ADAMTSL2: variants seen among roughly 807,000 people sequenced by gnomAD.
ADAMTSL2 encodes the protein ADAMTS-like protein 2.
In ADAMTSL2, 55 loss-of-function variants were observed where a neutral mutation model predicts 117.0. The ratio of observed to expected loss-of-function variants is 0.47; its 90% CI spans 0.38 to 0.59. The LOEUF (loss-of-function observed/expected upper bound fraction) is 0.59. ADAMTSL2 is among the 20% of genes least tolerant of loss of function. The probability of loss-of-function intolerance (pLI) is 0.00; values close to 1 mark genes in which losing one functional copy is unlikely to be tolerated. For synonymous variants in ADAMTSL2, 572 were observed against 566.4 expected, an observed-to-expected ratio of 1.01 and a Z score of -0.14; for missense variants, 1,182 against 1,354.5, an observed-to-expected ratio of 0.87 and a Z score of 2.00.
Position 133,568,655 on chromosome 9 carries a change from C to T in ADAMTSL2, c.2141C>T (p.Ser714Leu), listed in dbSNP as rs1317558748. The change falls in exon 15 of 19, where the codon TCG (serine) becomes TTG (leucine). Residue 714 changes from serine (S) to leucine (L), a missense_variant. Transcript: ENST00000651351. ...RSVVTRDIRC[S>L]EDEKLCDPNT... ...GTGGTGACCAGGGACATCCGCTGCT[C>T]GGAGGATGAGAAGCTGTGTGACCCC... The T allele has an allele frequency of 1.5e-5, 25 of 1,613,314 alleles. No individual in the cohort carries two copies. Among genetic ancestry groups the T allele is most frequent in the Admixed American group, 3.3e-5 (2 of 60,016 alleles).
chr9:133,570,307 C>A, intron 16 of ADAMTSL2, 24 bp from the exon 17 acceptor site: 2 of 1,538,368 alleles, frequency 1.3e-6, no homozygotes, highest in Non-Finnish European at 1.7e-6. Context: ...TGGCGCTGAC[C>A]CGCTCCCTCT....
chr9:133,543,127 AT>A (rs34545575), intron 7 of ADAMTSL2, among the ~76,000 whole-genome samples: 23,175 of 151,704 alleles, frequency 0.15, 2,210 homozygotes, highest in Non-Finnish European at 0.21. Flanking sequence ...TTTTTTTTGC[AT>A]TTTTAGTAGA....
In ADAMTSL2 at chr9:133,557,268, G is replaced by T. The variant is rs1225095170; in HGVS notation, c.1649+1338G>T. On this transcript the variant is annotated intron_variant, in intron 11 of 18. Coordinates refer to ENST00000651351, the MANE Select transcript of ADAMTSL2 (RefSeq NM_014694.4). This position sits in a 1 kb window ranked among gnomAD's most constrained non-coding sequence, Gnocchi z 5.2. ...CCGCTTTTCTCAAACTGTTTTCTGA[G>T]GCCACCGAGGTGCCTGGGGCTGCGG... Among the ~76,000 whole-genome samples the T allele has an allele frequency of 6.6e-6, 1 of 152,170 alleles. No homozygotes were observed. Among genetic ancestry groups the T allele is most frequent in the African/African-American group, 2.4e-5 (1 of 41,434 alleles).
chr9:133,532,844 C>CAG (rs1829969460), upstream of ADAMTSL2, among the ~76,000 whole-genome samples: 1 of 152,156 alleles, frequency 6.6e-6, no homozygotes, highest in South Asian at 2.1e-4. Context: ...CACACACCTG[C>CAG]AGGAGGTCAC....
At chr9:133,548,073 T>G (rs571459978) in intron 9 of ADAMTSL2, among the ~76,000 whole-genome samples, 1 of 152,362 alleles carries the variant, frequency 6.6e-6, no homozygotes, top group East Asian at 1.9e-4. Context: ...ACAGCAGGGT[T>G]GGAGCCACCC....
Position 133,569,537 on chromosome 9 carries a change from A to C in ADAMTSL2, c.2374A>C (p.Lys792Gln). The change falls in exon 16 of 19, where the codon AAA (lysine) becomes CAA (glutamine). Residue 792 changes from lysine (K) to glutamine (Q), a missense_variant. Physicochemically the swap from Lys to Gln is moderately conservative, Grantham distance 53. Around this residue, in one of 3 missense-constraint regions of ADAMTSL2, gnomAD observed 465 missense variants for 565.3 expected, o/e 0.82. Transcript: ENST00000651351. The stretch of plus-strand genomic sequence containing the variant: ...TCTGGCCATCCACCCCTGTGGGGAC[A>C]AAAACTGTCCCGCCCACTGGCTGGC... ...KPLAIHPCGD[K>Q]NCPAHWLAQD... 3 of 1,602,120 alleles carry C rather than the reference A, an allele frequency of 1.9e-6. No homozygotes were observed. The highest frequency in any genetic ancestry group is 2.6e-6 in the Non-Finnish European group (3 of 1,174,160).
Position 133,568,595 on chromosome 9 carries a change from C to T in ADAMTSL2, c.2089-8C>T, listed in dbSNP as rs912573077. On this transcript the variant is annotated splice_region_variant and splice_polypyrimidine_tract_variant and intron_variant, in intron 14 of 18. Transcript: ENST00000651351. ...CACCCCCCCTGCCCCCTCCCCCTGC[C>T]GCCCCAGTGCACTGCCAAGTGTGGG... 214 of 1,582,440 alleles carry T rather than the reference C, an allele frequency of 1.4e-4. No individual in the cohort carries two copies. The highest frequency in any genetic ancestry group is 2.0e-4 in the Middle Eastern group (1 of 5,060).
Position 133,537,463 on chromosome 9 carries a change from G to T in ADAMTSL2, c.149G>T (p.Trp50Leu). The change falls in exon 3 of 19, where the codon TGG becomes TTG. Residue 50 changes from tryptophan to leucine, a missense_variant. Around this residue, in one of 3 missense-constraint regions of ADAMTSL2, gnomAD observed 372 missense variants for 463.4 expected, o/e 0.80. Coordinates refer to ENST00000651351, the MANE Select transcript of ADAMTSL2 (RefSeq NM_014694.4). Reference sequence around the variant, plus strand: ...GGCACCGACGCCACGGCCTTCTGGTGGGGGGAGTGGACCAAGTGGACGGCG... The same window carrying T: ...GGCACCGACGCCACGGCCTTCTGGTTGGGGGAGTGGACCAAGTGGACGGCG... Reference protein sequence around the residue: ...EGGTDATAFWWGEWTKWTACS... With the variant: ...EGGTDATAFWLGEWTKWTACS... 1 of 1,360,632 alleles carries T rather than the reference G, an allele frequency of 7.3e-7. No individual in the cohort carries two copies. 84.3% of individuals were successfully genotyped at this position (1,360,632 alleles called of 1,614,324 possible). A position where few individuals can be genotyped will look rare whatever the true frequency, so the allele number is the denominator to read the frequency against.
intron 7 of ADAMTSL2, among the ~76,000 whole-genome samples, chr9:133,543,880 T>G (rs1476642124): frequency 6.6e-6 from 1 of 152,178 alleles, no homozygotes; most frequent in East Asian, 1.9e-4. Context: ...CATGGCTGCC[T>G]CCGCACGGGC....
chr9:133,555,300 GC>G (rs1452540932), intron 10 of ADAMTSL2, among the ~76,000 whole-genome samples: 8 of 134,110 alleles, frequency 6.0e-5, no homozygotes, highest in Non-Finnish European at 9.5e-5. Context: ...TCCGGGGGGG[GC>G]CATGAATTTT....
chr9:133,545,944 A>G (rs954927048), intron 8 of ADAMTSL2, among the ~76,000 whole-genome samples: 4 of 151,998 alleles, frequency 2.6e-5, no homozygotes, highest in African/African-American at 7.2e-5. Context: ...TTTCAAGCAG[A>G]CATGTCCTGC....
At chr9:133,556,425 C>G (rs1830606883) in intron 11 of ADAMTSL2, among the ~76,000 whole-genome samples, 1 of 152,168 alleles carries the variant, frequency 6.6e-6, no homozygotes, top group Admixed American at 6.5e-5. Flanking sequence ...AGTCATGGCA[C>G]ACACGCCTGT....
chr9:133,567,884 G>C (rs2131178990), intron 13 of ADAMTSL2, among the ~76,000 whole-genome samples: 1 of 152,328 alleles, frequency 6.6e-6, no homozygotes, highest in African/African-American at 2.4e-5. Context: ...GGGAAGGAGA[G>C]GTCTTTCCCC....
Position 133,568,500 on chromosome 9 carries a change from G to A in ADAMTSL2, c.2088+14G>A. On this transcript the variant is annotated intron_variant, in intron 14 of 18. Coordinates refer to ENST00000651351, the MANE Select transcript of ADAMTSL2 (RefSeq NM_014694.4). ...GAGTGGTCCGAGGTGAGTGCCTGCGGGAGCAAGCCGGGGGTCGGGAAGAGC... is the reference window on the plus strand; with the variant it reads ...GAGTGGTCCGAGGTGAGTGCCTGCGAGAGCAAGCCGGGGGTCGGGAAGAGC... The A allele has an allele frequency of 1.9e-6, 3 of 1,591,436 alleles. No homozygotes were observed. The highest frequency in any genetic ancestry group is 2.6e-6 in the Non-Finnish European group (3 of 1,169,936).
upstream of ADAMTSL2, among the ~76,000 whole-genome samples, chr9:133,532,976 C>A (rs1188330619): frequency 6.6e-6 from 1 of 152,196 alleles, no homozygotes; most frequent in Non-Finnish European, 1.5e-5. Flanking sequence ...TGTGGGGTCC[C>A]TCCCAAGGGA....
intron 17 of ADAMTSL2, among the ~76,000 whole-genome samples, chr9:133,572,967 C>T (rs1035946571): frequency 2.6e-5 from 4 of 152,232 alleles, no homozygotes; most frequent in Non-Finnish European, 5.9e-5. Flanking sequence ...ACGCCGTCAG[C>T]GCCAAGCCAG....
At chr9:133,567,203 C>A in intron 13 of ADAMTSL2, 141 bp downstream of exon 13, 1 of 1,072,324 alleles carries the variant, frequency 9.3e-7, no homozygotes, top group Non-Finnish European at 1.3e-6. Flanking sequence ...GAGGGGCATA[C>A]AGACCTCACC....
intron 13 of ADAMTSL2, 82 bp from the exon 14 acceptor site, chr9:133,568,191 G>A (rs928529780): frequency 1.0e-5 from 14 of 1,403,872 alleles, no homozygotes; most frequent in Middle Eastern, 2.2e-4. Context: ...GGGAGGAGCC[G>A]CGTTGTCTCT....
intron 8 of ADAMTSL2, 53 bp from the exon 9 acceptor site, chr9:133,546,985 G>A: frequency 6.3e-7 from 1 of 1,592,468 alleles, no homozygotes; most frequent in Non-Finnish European, 8.6e-7. Flanking sequence ...GGTGACACTG[G>A]CTCCTCCCCC....
Sources: gnomAD v4.1 joint callset for allele counts (sites outside exome capture counted in the v4.1 genomes callset) on GRCh38, gnomAD v4.1.1 for gene constraint, gnomAD v4.1.1 regional missense constraint, Gnocchi (gnomAD v3.1) non-coding constraint, MANE v1.5 for transcripts, NCBI Gene and HGNC (gene_info 2026-07-23, HGNC 2026-07-21) for gene names.